EMID1: variants seen among roughly 807,000 people sequenced by gnomAD.
The protein encoded by EMID1 is EMI domain containing 1.
A neutral mutation model predicts 60.6 loss-of-function variants in EMID1; 40 were observed. That is an observed-to-expected ratio of 0.66 (90% CI 0.51 to 0.86). The LOEUF is 0.86. EMID1 is among the 40% of genes least tolerant of loss of function. EMID1 has a pLI of 0.00. For missense variants in EMID1, 585 were observed against 597.1 expected (o/e 0.98, Z 0.21); for synonymous variants, 242 against 231.0 (o/e 1.05, Z -0.43).
At chr22:29,216,513 C>G (rs1325505644) in intron 3 of EMID1, 1 of 985,366 alleles carries the variant, frequency 1.0e-6, no homozygotes, top group Admixed American at 6.1e-5. Flanking sequence ...TCAGGGCCCC[C>G]ACAGCAGCAC....
chr22:29,214,955 C>G lies in EMID1; in HGVS notation c.131C>G (p.Thr44Ser). ...RNWCSYVVTR[T>S]ISCHVQNGTY... The stretch of plus-strand genomic sequence containing the variant: ...TGGTGCTCCTATGTGGTGACCCGCA[C>G]CATCTCATGCCATGTGCAGAATGGC... The change falls in exon 2 of 15, where the codon ACC (threonine) becomes AGC (serine). Residue 44 changes from threonine (T) to serine (S), a missense_variant. By Grantham distance (58) the Thr-to-Ser change is moderately conservative (BLOSUM62 1). Coordinates refer to ENST00000334018, the MANE Select transcript of EMID1 (RefSeq NM_133455.4). 1 of 1,547,362 alleles carries G rather than the reference C, an allele frequency of 6.5e-7. No individual in the cohort carries two copies. Among genetic ancestry groups the G allele is most frequent in the Non-Finnish European group, 8.7e-7 (1 of 1,142,978 alleles).
At chr22:29,209,985 G>A (rs962273131) in intron 1 of EMID1, among the ~76,000 whole-genome samples, 2 of 152,142 alleles carry the variant, frequency 1.3e-5, no homozygotes, top group African/African-American at 2.4e-5. Flanking sequence ...GGTGCAGGAG[G>A]GTGGCAGGGC....
intron 13 of EMID1, among the ~76,000 whole-genome samples, chr22:29,250,750 T>TTTTTTTTTTTTTTTG (rs2041498948): frequency 8.0e-6 from 1 of 124,924 alleles, no homozygotes; most frequent in Non-Finnish European, 1.7e-5. Flanking sequence ...TTTTTTTTTT[T>TTTTTTTTTTTTTTTG]TTTTTTTTTT....
At chr22:29,243,533 C>A in intron 13 of EMID1, 44 bp downstream of exon 13, 2 of 1,611,878 alleles carry the variant, frequency 1.2e-6, no homozygotes, top group Non-Finnish European at 1.7e-6. Flanking sequence ...CTTCTCAGCC[C>A]TACATGCTCA....
At chr22:29,233,749 C>T (rs1404850276) in intron 10 of EMID1, 83 bp downstream of exon 10, 1 of 1,308,164 alleles carries the variant, frequency 7.6e-7, no homozygotes, top group Non-Finnish European at 1.1e-6. Context: ...GTCCATCATC[C>T]ACCCTTGTAT....
intron 12 of EMID1, among the ~76,000 whole-genome samples, chr22:29,240,152 T>A (rs5997457): frequency 0.42 from 63,768 of 151,966 alleles, 13,979 homozygotes; most frequent in East Asian, 0.68. Context: ...CCTTGGACTG[T>A]GAACTTCACC....
In EMID1 at chr22:29,226,506, CAA is replaced by C. The variant is rs2040515793; in HGVS notation, c.422_423del (p.Lys141SerfsTer33). Reference sequence around the variant, plus strand: ...TCCCCGCAGGTTGTCTCAACTGCAGCAAAGTGTCAGAGCTGACAGAGCGGCTG... The same window carrying C: ...TCCCCGCAGGTTGTCTCAACTGCAGCAGTGTCAGAGCTGACAGAGCGGCTG... ...TAFSGCLNCS[K>X]VSELTERLKV... On this transcript the variant is annotated frameshift_variant, in exon 5 of 15. Coordinates refer to ENST00000334018, the MANE Select transcript of EMID1 (RefSeq NM_133455.4). LOFTEE classifies it high-confidence loss of function. 6.2e-7 allele frequency: 1 copy of C among 1,612,014 alleles called. No homozygotes were observed. Among genetic ancestry groups the C allele is most frequent in the Non-Finnish European group, 8.5e-7 (1 of 1,179,046 alleles).
rs1276197230 is a variant in EMID1, at chr22:29,242,404, T to A, written c.1075-1041T>A. 3.3e-5 allele frequency among the ~76,000 whole-genome samples: 5 copies of A among 152,356 alleles called. No homozygotes were observed. In the East Asian group the frequency reaches 9.6e-4, roughly 29 times the overall value. On this transcript the variant is annotated intron_variant, in intron 12 of 14. Transcript: ENST00000334018. ...AATTTATATATCTCTCCTAAAATTC[T>A]CCATCTTATCACCCATGATATCAAT... is the stretch of plus-strand genomic sequence containing the variant.
chr22:29,230,091 G>A (rs895968102), intron 5 of EMID1, among the ~76,000 whole-genome samples: 6 of 152,290 alleles, frequency 3.9e-5, no homozygotes, highest in Admixed American at 3.3e-4. Context: ...CCAACACTTT[G>A]GGAGGCTGAG....
chr22:29,236,848 G>A (rs904000088), intron 12 of EMID1, among the ~76,000 whole-genome samples: 4 of 150,182 alleles, frequency 2.7e-5, no homozygotes, highest in Non-Finnish European at 5.9e-5. Flanking sequence ...CCAGGCTGGA[G>A]TCTAGTGGCT....
chr22:29,238,621 G>A (rs577850752), intron 12 of EMID1, among the ~76,000 whole-genome samples: 1 of 143,364 alleles, frequency 7.0e-6, no homozygotes. Flanking sequence ...GTTTCACCAT[G>A]TTGGCCAGGC....
intron 13 of EMID1, among the ~76,000 whole-genome samples, chr22:29,247,168 G>A (rs956624678): frequency 2.7e-5 from 4 of 149,696 alleles, no homozygotes; most frequent in African/African-American, 7.4e-5. Flanking sequence ...ATGGGTTTGC[G>A]CCATGTTGGC....
chr22:29,228,375 A>G (rs1175696147), intron 5 of EMID1, among the ~76,000 whole-genome samples: 2 of 152,234 alleles, frequency 1.3e-5, no homozygotes, highest in African/African-American at 4.8e-5. Flanking sequence ...AAAGTACAAC[A>G]TTCTAAATTT....
rs1215770913 is a variant in EMID1 at position 29,225,235 on chromosome 22, T to G, written c.403+19T>G. The G allele has an allele frequency of 6.2e-7, 1 of 1,612,400 alleles. No homozygotes were observed. The highest frequency in any genetic ancestry group is 1.7e-5 in the Admixed American group (1 of 59,974). ...TTCTCAGGTGGGTCCTGGGATAGCT[T>G]CTTGAGGTCCCCCTGGGCTGAGGGA... On this transcript the variant is annotated intron_variant, in intron 4 of 14. Coordinates refer to ENST00000334018, the MANE Select transcript of EMID1 (RefSeq NM_133455.4).
chr22:29,215,663 C>A, intron 3 of EMID1, 33 bp downstream of exon 3: 1 of 1,572,098 alleles, frequency 6.4e-7, no homozygotes, highest in Non-Finnish European at 8.8e-7. Flanking sequence ...CGGAGCCCTG[C>A]GACAGCAGGC....
At chr22:29,226,322 C>A in intron 4 of EMID1, 168 bp from the exon 5 acceptor site, 1 of 640,892 alleles carries the variant, frequency 1.6e-6, no homozygotes, top group Non-Finnish European at 2.5e-6. Context: ...GGTGAGGTCC[C>A]CCTGGACCCA....
intron 12 of EMID1, 61 bp downstream of exon 12, chr22:29,234,410 C>A (rs985844429): frequency 6.3e-7 from 1 of 1,575,616 alleles, no homozygotes; most frequent in South Asian, 1.1e-5. Context: ...CAGATTCCTC[C>A]TGTGACTCCA....
intron 6 of EMID1, 79 bp from the exon 7 acceptor site, chr22:29,231,514 T>G: frequency 7.0e-7 from 1 of 1,433,060 alleles, no homozygotes; most frequent in Non-Finnish European, 9.6e-7. Flanking sequence ...AAATGGTAGA[T>G]GCTGGTTGGG....
intron 8 of EMID1, 23 bp downstream of exon 8, chr22:29,232,425 C>CAGGTGG (rs1490514300): frequency 1.2e-5 from 18 of 1,534,938 alleles, no homozygotes; most frequent in Non-Finnish European, 1.6e-5. Context: ...GGGATCCCAG[C>CAGGTGG]AGGTGGAGGT....
Sources: allele counts gnomAD v4.1 joint callset (sites outside exome capture counted in the v4.1 genomes callset), GRCh38; gene constraint gnomAD v4.1.1; transcripts MANE v1.5; gene names NCBI Gene and HGNC (gene_info 2026-07-23, HGNC 2026-07-21).